Variants in FAM153A observed in about 807,000 individuals in gnomAD.
The protein encoded by FAM153A is family with sequence similarity 153 member A.
FAM153A carries 12 observed loss-of-function variants against 48.1 expected under a neutral mutation model. The ratio of observed to expected loss-of-function variants is 0.25; its 90% CI spans 0.16 to 0.40. The LOEUF is 0.40. FAM153A is among the 10% of genes least tolerant of loss of function. The pLI is 1.00. For synonymous variants in FAM153A, 36 were observed against 118.2 expected, an observed-to-expected ratio of 0.30 and a Z score of 4.51; for missense variants, 111 against 345.8, an observed-to-expected ratio of 0.32 and a Z score of 5.38.
intron 1 of FAM153A, among the ~76,000 whole-genome samples, chr5:177,778,834 A>G (rs1769429856): frequency 8.8e-6 from 1 of 114,104 alleles, no homozygotes; most frequent in African/African-American, 3.4e-5. Context: ...GTATCCAGCT[A>G]GATGTAACTA....
upstream of FAM153A, among the ~76,000 whole-genome samples, chr5:177,782,024 C>T (rs1316920053): frequency 4.7e-5 from 5 of 106,290 alleles, 1 homozygote; most frequent in African/African-American, 1.7e-4. Context: ...CCACCGCGCC[C>T]GGCCGACTCA....
upstream of FAM153A, among the ~76,000 whole-genome samples, chr5:177,754,190 T>A (rs1358487785): frequency 3.9e-5 from 6 of 152,012 alleles, no homozygotes; most frequent in African/African-American, 7.3e-5. Flanking sequence ...GGAGATTATA[T>A]CCTGCACCTG....
exon 27 of FAM153A, chr5:177,712,483 T>C (rs984351291): frequency 6.6e-6 from 1 of 151,196 alleles, no homozygotes; most frequent in African/African-American, 2.4e-5. Context: ...AAAGAAAAAA[T>C]AAGGCAATTT....
At chr5:177,695,845 G>A in the FAM153A span, among the ~76,000 whole-genome samples, 8 of 150,838 alleles carry the variant, frequency 5.3e-5, no homozygotes, top group East Asian at 2.0e-4. Context: ...TGGGGAGGCC[G>A]GGCAGAGGCA....
At chr5:177,749,955 G>A (rs1001511257) in intron 2 of FAM153A, among the ~76,000 whole-genome samples, 25 of 146,948 alleles carry the variant, frequency 1.7e-4, no homozygotes, top group African/African-American at 6.4e-4. Flanking sequence ...AATGTGGGCA[G>A]CTTTATTCAT....
chr5:177,711,961 C>T (rs1328372869), exon 27 of FAM153A: 2 of 151,844 alleles, frequency 1.3e-5, no homozygotes, highest in East Asian at 3.8e-4. Flanking sequence ...GACCATTCTT[C>T]TTCTTTAGTT....
chr5:177,716,528 G>A (rs923488895), intron 24 of FAM153A: 1 of 151,792 alleles, frequency 6.6e-6, no homozygotes, highest in Non-Finnish European at 1.5e-5. Flanking sequence ...GCACCACCGA[G>A]CAGCATGCCT....
intron 16 of FAM153A, 43 bp from the exon 19 acceptor site, chr5:177,729,598 G>A: frequency 6.2e-7 from 1 of 1,608,178 alleles, no homozygotes; most frequent in Non-Finnish European, 8.5e-7. Flanking sequence ...TCCACTGAGT[G>A]AATCCCTCAG....
At chr5:177,739,010 A>G in intron 10 of FAM153A, 103 bp downstream of exon 12, 1 of 870,436 alleles carries the variant, frequency 1.1e-6, no homozygotes, top group Non-Finnish European at 1.8e-6. Context: ...TCCAATAGGA[A>G]GCTCCAATGA....
At chr5:177,743,196 T>TTTTG in intron 6 of FAM153A, among the ~76,000 whole-genome samples, 1 of 48,166 alleles carries the variant, frequency 2.1e-5, no homozygotes, top group East Asian at 1.1e-3. Context: ...ACTTGTTTTT[T>TTTTG]TTTTGTTTTG....
chr5:177,717,363 A>G (rs1487472330), downstream of FAM153A: 1 of 147,782 alleles, frequency 6.8e-6, no homozygotes, highest in Non-Finnish European at 1.5e-5. Context: ...AAGGGAAAAC[A>G]TGGGGAGTAG....
chr5:177,701,762 C>T, the FAM153A span, among the ~76,000 whole-genome samples: 14 of 151,554 alleles, frequency 9.2e-5, no homozygotes, highest in South Asian at 2.1e-4. Flanking sequence ...GCTCAGAAAA[C>T]GACAGGAAGA....
the FAM153A span, among the ~76,000 whole-genome samples, chr5:177,698,011 G>C: frequency 6.6e-6 from 1 of 151,068 alleles, no homozygotes; most frequent in East Asian, 1.9e-4. Flanking sequence ...CATTTGGGCA[G>C]CTTTTTGTTT....
downstream of FAM153A, among the ~76,000 whole-genome samples, chr5:177,710,853 C>T (rs1456715981): frequency 6.7e-6 from 1 of 149,540 alleles, no homozygotes; most frequent in Admixed American, 6.7e-5. Flanking sequence ...GACGGGGTTT[C>T]ACCATGTTGG....
rs375861161 is a variant in FAM153A at position 177,739,094 on chromosome 5, G to A, written c.562+19C>T. On this transcript the variant is annotated intron_variant, in intron 10 of 20. Coordinates refer to ENST00000614127, the Ensembl canonical transcript of FAM153A. ...ACTAAGATTTTTCCTTAGCAAAAAG[G>A]TGATCCCAGAATACATACCGTTGGT... is the stretch of plus-strand genomic sequence containing the variant. 6.8e-6 allele frequency: 11 copies of A among 1,612,464 alleles called. No individual in the cohort carries two copies. The African/African-American group carries it at 9.5e-5, about 14-fold the overall frequency.
At chr5:177,702,253 C>T in the FAM153A span, among the ~76,000 whole-genome samples, 1 of 151,740 alleles carries the variant, frequency 6.6e-6, no homozygotes, top group Non-Finnish European at 1.5e-5. Context: ...GGGTGCATAG[C>T]TGCGTTGTGC....
At chr5:177,697,269 A>G in the FAM153A span, among the ~76,000 whole-genome samples, 1 of 151,614 alleles carries the variant, frequency 6.6e-6, no homozygotes, top group Non-Finnish European at 1.5e-5. Context: ...TGGTATATAG[A>G]AAAATAATCG....
chr5:177,701,497 G>A, the FAM153A span, among the ~76,000 whole-genome samples: 1 of 151,954 alleles, frequency 6.6e-6, no homozygotes, highest in South Asian at 2.1e-4. Context: ...CCCAGGAGGT[G>A]GAGGTTGCAG....
Position 177,769,008 on chromosome 5 carries a change from G to C in FAM153A, c.-57+11441C>G, listed in dbSNP as rs6865327. ...GGAGGCCGAGGCGGGCAGATCACGAGGTCAGGAGATCAAGACCATCCTGGC... is the reference window on the plus strand; with the variant it reads ...GGAGGCCGAGGCGGGCAGATCACGACGTCAGGAGATCAAGACCATCCTGGC... On this transcript the variant is annotated intron_variant, in intron 1 of 8. Transcript: ENST00000393518. Among the ~76,000 whole-genome samples the C allele has an allele frequency of 6.1e-3, 447 of 73,700 alleles. 2 individuals are homozygous for C. Among genetic ancestry groups the C allele is most frequent in the Admixed American group, 8.3e-3 (57 of 6,854 alleles). 48.4% of individuals were successfully genotyped at this position (73,700 alleles called of 152,430 possible). A position where few individuals can be genotyped will look rare whatever the true frequency, so the allele number is the denominator to read the frequency against.
Sources: gnomAD v4.1 joint callset for allele counts (sites outside exome capture counted in the v4.1 genomes callset) on GRCh38, gnomAD v4.1.1 for gene constraint, MANE v1.5 for transcripts, NCBI Gene and HGNC (gene_info 2026-07-23, HGNC 2026-07-21) for gene names.